The following CFAP20DC variants were observed in gnomAD, a reference collection of about 807,000 sequenced individuals.
The protein encoded by CFAP20DC is CFAP20 domain containing.
A neutral mutation model predicts 101.7 loss-of-function variants in CFAP20DC; 84 were observed. The observed-to-expected ratio is 0.83, with a 90% CI of 0.69 to 0.99. The LOEUF (loss-of-function observed/expected upper bound fraction) is 0.99. CFAP20DC is among the 50% of genes least tolerant of loss of function. The pLI is 0.00. For synonymous variants in CFAP20DC, 359 were observed against 351.2 expected (o/e 1.02, Z -0.25); for missense variants, 1,007 against 970.3 (o/e 1.04, Z -0.50).
Position 58,859,245 on chromosome 3 carries a change from G to T in CFAP20DC, c.1593+4313C>A, listed in dbSNP as rs996396409. Among the ~76,000 whole-genome samples the T allele has an allele frequency of 3.9e-5, 6 of 152,168 alleles. No homozygotes were observed. Among genetic ancestry groups the T allele is most frequent in the African/African-American group, 1.4e-4 (6 of 41,446 alleles). On this transcript the variant is annotated intron_variant, in intron 12 of 16. Transcript: ENST00000482387. The surrounding 1 kb of genome is among the most constrained non-coding windows in gnomAD (Gnocchi z 4.1). ...CATGACATCTTTACCTATAGCAAAT[G>T]ATACTTTACAGACAAATCATAGCAT...
chr3:59,018,945 C>A (rs1005324994), intron 4 of CFAP20DC: 5 of 151,862 alleles, frequency 3.3e-5, no homozygotes, highest in Admixed American at 2.0e-4. Context: ...CACACACACA[C>A]AATCACACAC....
rs28618269 is a variant in CFAP20DC, at chr3:58,916,418, T to G, written c.394-2554A>C. The stretch of plus-strand genomic sequence containing the variant: ...CAGATCCTTACCCACTGTACACTTT[T>G]CTTATCCATCATGGTCACGCTCCTT... On this transcript the variant is annotated intron_variant, in intron 5 of 16. Coordinates refer to ENST00000482387, the MANE Select transcript of CFAP20DC (RefSeq NM_001394063.1). Among the ~76,000 whole-genome samples, 349 of 152,224 alleles carry G rather than the reference T, an allele frequency of 2.3e-3. 3 individuals carry two copies. Among genetic ancestry groups the G allele is most frequent in the African/African-American group, 8.2e-3 (341 of 41,550 alleles).
intron 14 of CFAP20DC, among the ~76,000 whole-genome samples, chr3:58,815,724 GA>G (rs1466658718): frequency 1.3e-5 from 2 of 150,674 alleles, no homozygotes; most frequent in African/African-American, 2.5e-5. Flanking sequence ...CTTCTCAAAA[GA>G]AGACATTTAT....
intron 13 of CFAP20DC, among the ~76,000 whole-genome samples, chr3:58,834,531 T>G (rs2076607487): frequency 6.6e-6 from 1 of 152,180 alleles, no homozygotes; most frequent in Non-Finnish European, 1.5e-5. Flanking sequence ...AGAACAACAC[T>G]GGGTTCTAGG....
At chr3:58,716,516 G>A (rs985652877), downstream of CFAP20DC, among the ~76,000 whole-genome samples, 7 of 152,132 alleles carry the variant, frequency 4.6e-5, no homozygotes, top group Non-Finnish European at 1.0e-4. Context: ...CAGATCGCAT[G>A]GTAACATGGT....
At chr3:58,853,377 G>A (rs906809025) in intron 12 of CFAP20DC, among the ~76,000 whole-genome samples, 39 of 152,204 alleles carry the variant, frequency 2.6e-4, no homozygotes, top group African/African-American at 8.9e-4. Context: ...AGGACCAGAT[G>A]GACTCACAGC....
chr3:58,793,554 A>C (rs1163918818), intron 15 of CFAP20DC, among the ~76,000 whole-genome samples: 2 of 152,300 alleles, frequency 1.3e-5, no homozygotes, highest in African/African-American at 4.8e-5. Flanking sequence ...CAGATGGCAA[A>C]AAAAACAAAG....
At chr3:59,018,998 A>G (rs576626117) in intron 4 of CFAP20DC, 2 of 152,250 alleles carry the variant, frequency 1.3e-5, no homozygotes, top group East Asian at 3.9e-4. Context: ...AATGTTAATA[A>G]TTGGTGAATA....
intron 4 of CFAP20DC, among the ~76,000 whole-genome samples, chr3:59,031,678 A>G: frequency 6.6e-6 from 1 of 152,122 alleles, no homozygotes; most frequent in East Asian, 2.0e-4. Flanking sequence ...AAATTGTTCT[A>G]TCTATCTTTT....
chr3:59,008,084 T>A (rs371560853), intron 4 of CFAP20DC, among the ~76,000 whole-genome samples: 139 of 152,252 alleles, frequency 9.1e-4, no homozygotes, highest in African/African-American at 3.2e-3. Flanking sequence ...GATGCACTTA[T>A]AGACAGCCTT....
chr3:59,003,154 C>T (rs1008290235), intron 4 of CFAP20DC, among the ~76,000 whole-genome samples: 3 of 151,944 alleles, frequency 2.0e-5, no homozygotes, highest in Admixed American at 2.0e-4. Context: ...AGATACCACT[C>T]TCAGTCATCT....
intron 13 of CFAP20DC, among the ~76,000 whole-genome samples, chr3:58,842,987 G>A (rs559435490): frequency 3.7e-4 from 56 of 152,290 alleles, no homozygotes; most frequent in African/African-American, 1.3e-3. Flanking sequence ...AAACAGAAAG[G>A]ACATCCACAC....
intron 15 of CFAP20DC, among the ~76,000 whole-genome samples, chr3:58,778,688 C>A (rs1379644352): frequency 3.3e-5 from 5 of 152,222 alleles, no homozygotes; most frequent in Admixed American, 1.3e-4. Context: ...AACACAGGAT[C>A]CAGTGTATGC....
intron 5 of CFAP20DC, among the ~76,000 whole-genome samples, chr3:58,916,043 A>G (rs1358950691): frequency 6.6e-6 from 1 of 152,074 alleles, no homozygotes; most frequent in Non-Finnish European, 1.5e-5. Flanking sequence ...TGGCCATGTA[A>G]ATACTGTATA....
Position 58,964,835 on chromosome 3 carries a change from T to C in CFAP20DC, c.279-27073A>G, listed in dbSNP as rs1316886731. On this transcript the variant is annotated intron_variant, in intron 4 of 16. Transcript: ENST00000482387. The surrounding 1 kb of genome is among the most constrained non-coding windows in gnomAD (Gnocchi z 4.1). ...GATTTTTGCAGGTATTTCTATTTTC[T>C]AAAGATAGGTTGCTGGATGTAGACT... Among the ~76,000 whole-genome samples the C allele has an allele frequency of 6.6e-6, 1 of 152,210 alleles. No homozygotes were observed. Among genetic ancestry groups the C allele is most frequent in the Non-Finnish European group, 1.5e-5 (1 of 68,038 alleles).
rs1042604621 is a variant in CFAP20DC at position 58,912,169 on chromosome 3, G to T, written c.550+1539C>A. 6.6e-6 allele frequency among the ~76,000 whole-genome samples: 1 copy of T among 152,090 alleles called. No individual in the cohort carries two copies. Among genetic ancestry groups the T allele is most frequent in the African/African-American group, 2.4e-5 (1 of 41,426 alleles). Reference sequence around the variant, plus strand: ...CAGTGGAGCTTGAGGAAGGATCAGAGATTGAAACATGCATTTACTTTGCTA... The same window carrying T: ...CAGTGGAGCTTGAGGAAGGATCAGATATTGAAACATGCATTTACTTTGCTA... On this transcript the variant is annotated intron_variant, in intron 6 of 16. Coordinates refer to ENST00000482387, the MANE Select transcript of CFAP20DC (RefSeq NM_001394063.1). The surrounding 1 kb of genome is among the most constrained non-coding windows in gnomAD (Gnocchi z 4.4).
At chr3:58,918,850 A>G (rs992880547) in intron 5 of CFAP20DC, among the ~76,000 whole-genome samples, 7 of 152,190 alleles carry the variant, frequency 4.6e-5, no homozygotes, top group Non-Finnish European at 4.4e-5. Flanking sequence ...ATAATAATGT[A>G]CATTCCTCAT....
intron 14 of CFAP20DC, among the ~76,000 whole-genome samples, chr3:58,815,848 A>C (rs1341181503): frequency 2.0e-5 from 3 of 150,916 alleles, no homozygotes; most frequent in African/African-American, 7.4e-5. Context: ...ATCATTAAAA[A>C]GTCAGGAAAC....
At chr3:58,747,154 AT>A (rs985495985) in intron 16 of CFAP20DC, among the ~76,000 whole-genome samples, 1 of 152,112 alleles carries the variant, frequency 6.6e-6, no homozygotes, top group African/African-American at 2.4e-5. Flanking sequence ...TCCAAATTAC[AT>A]TTTTTTCTCT....
Sources: allele counts gnomAD v4.1 joint callset (sites outside exome capture counted in the v4.1 genomes callset), GRCh38; gene constraint gnomAD v4.1.1; non-coding constraint Gnocchi (gnomAD v3.1); transcripts MANE v1.5; gene names NCBI Gene and HGNC (gene_info 2026-07-23, HGNC 2026-07-21).